Variants in ARHGAP26 observed in about 807,000 individuals in gnomAD.
The protein encoded by ARHGAP26 is Rho GTPase activating protein 26.
A neutral mutation model predicts 104.8 loss-of-function variants in ARHGAP26; 38 were observed. The ratio of observed to expected loss-of-function variants is 0.36; its 90% CI spans 0.28 to 0.48. The LOEUF (loss-of-function observed/expected upper bound fraction) is 0.48. ARHGAP26 is among the 20% of genes least tolerant of loss of function. The pLI, the probability that ARHGAP26 is intolerant of heterozygous loss-of-function variation, is 0.99. For missense variants in ARHGAP26, 704 were observed against 947.9 expected, an observed-to-expected ratio of 0.74 and a Z score of 3.38; for synonymous variants, 341 against 340.0, an observed-to-expected ratio of 1.00 and a Z score of -0.03.
intron 17 of ARHGAP26, among the ~76,000 whole-genome samples, chr5:143,064,827 C>A (rs558827403): frequency 1.3e-5 from 2 of 152,268 alleles, no homozygotes; most frequent in Non-Finnish European, 2.9e-5. Context: ...CCTTAAAAAA[C>A]CCAACAACAT....
At chr5:143,205,088 A>G (rs1808357682) in intron 20 of ARHGAP26, among the ~76,000 whole-genome samples, 2 of 152,102 alleles carry the variant, frequency 1.3e-5, no homozygotes, top group Non-Finnish European at 2.9e-5. Context: ...TGCACAGTAG[A>G]GAGGAGTTGA....
intron 1 of ARHGAP26, among the ~76,000 whole-genome samples, chr5:142,784,204 G>A (rs1423560951): frequency 1.3e-5 from 2 of 152,222 alleles, no homozygotes; most frequent in Non-Finnish European, 2.9e-5. Context: ...TTCCTCTTAC[G>A]TAGCCAGCAT....
intron 1 of ARHGAP26, among the ~76,000 whole-genome samples, chr5:142,833,642 ACCT>A: frequency 6.6e-6 from 1 of 152,124 alleles, no homozygotes; most frequent in African/African-American, 2.4e-5. Flanking sequence ...GGGACATCCT[ACCT>A]ACCGCTGATA....
chr5:142,944,411 T>G (rs1472618266), intron 11 of ARHGAP26, among the ~76,000 whole-genome samples: 1 of 152,214 alleles, frequency 6.6e-6, no homozygotes, highest in Non-Finnish European at 1.5e-5. Context: ...GTGGAATTAC[T>G]AGGTTGAATG....
chr5:142,971,610 C>G (rs968354189), intron 11 of ARHGAP26, among the ~76,000 whole-genome samples: 2 of 152,118 alleles, frequency 1.3e-5, no homozygotes, highest in Non-Finnish European at 2.9e-5. Flanking sequence ...GAAACGGAGG[C>G]TGATGACACC....
At chr5:142,948,135 A>G (rs1357952286) in intron 11 of ARHGAP26, among the ~76,000 whole-genome samples, 2 of 152,158 alleles carry the variant, frequency 1.3e-5, no homozygotes, top group Admixed American at 6.5e-5. Flanking sequence ...TAGACGTGGC[A>G]CTTTCAAGCG....
chr5:142,832,080 C>T (rs1466257119), intron 1 of ARHGAP26, among the ~76,000 whole-genome samples: 2 of 152,120 alleles, frequency 1.3e-5, no homozygotes, highest in Non-Finnish European at 2.9e-5. Flanking sequence ...TTTGGTATAC[C>T]CTGTCAGTGG....
rs1429986312 is a variant in ARHGAP26 at position 143,222,987 on chromosome 5, C to G, written c.*541C>G. 4.7e-5 allele frequency: 11 copies of G among 233,136 alleles called. No individual in the cohort carries two copies. Among genetic ancestry groups the G allele is most frequent in the Non-Finnish European group, 8.5e-5 (10 of 117,842 alleles). 14.4% of individuals were successfully genotyped at this position (233,136 alleles called of 1,614,324 possible). The stretch of plus-strand genomic sequence containing the variant: ...ATGCAGGATGAAGAGGGTTAAAACA[C>G]TGTTTATATAAGATCCAATCTCTCA... On this transcript the variant is annotated 3_prime_UTR_variant, in exon 23 of 23. Coordinates refer to ENST00000645722, the MANE Select transcript of ARHGAP26 (RefSeq NM_001135608.3).
At chr5:143,142,158 A>ATTTT (rs1798621623) in intron 19 of ARHGAP26, among the ~76,000 whole-genome samples, 2 of 43,454 alleles carry the variant, frequency 4.6e-5, no homozygotes, top group Non-Finnish European at 7.2e-5. Context: ...TTTTTTTTTG[A>ATTTT]GACAGTCTTG....
At chr5:142,915,486 G>A (rs1348317905) in intron 10 of ARHGAP26, 2 of 152,266 alleles carry the variant, frequency 1.3e-5, no homozygotes, top group East Asian at 3.9e-4. Context: ...AGCCTACCGA[G>A]TAGCTGGGAC....
chr5:142,850,837 G>A (rs1751372919), intron 1 of ARHGAP26, among the ~76,000 whole-genome samples: 1 of 152,206 alleles, frequency 6.6e-6, no homozygotes, highest in Non-Finnish European at 1.5e-5. Context: ...GATAGCCAAT[G>A]GATCTGAAAG....
At chr5:143,203,399 A>G (rs1318399794) in intron 20 of ARHGAP26, 1 of 152,202 alleles carries the variant, frequency 6.6e-6, no homozygotes, top group African/African-American at 2.4e-5. Flanking sequence ...TTAGAATGGC[A>G]ATCATTAAAA....
intron 1 of ARHGAP26, among the ~76,000 whole-genome samples, chr5:142,791,031 C>T (rs1316507785): frequency 6.6e-6 from 1 of 151,972 alleles, no homozygotes; most frequent in Non-Finnish European, 1.5e-5. Context: ...TGTTGATGGC[C>T]TCAAGCATCA....
At chr5:142,905,718 C>T (rs899310537) in intron 8 of ARHGAP26, among the ~76,000 whole-genome samples, 1 of 152,090 alleles carries the variant, frequency 6.6e-6, no homozygotes, top group Non-Finnish European at 1.5e-5. Context: ...TAGGTTGGTG[C>T]AAGAGTAATT....
chr5:143,138,071 A>C (rs903508351), intron 19 of ARHGAP26, among the ~76,000 whole-genome samples: 1 of 152,068 alleles, frequency 6.6e-6, no homozygotes, highest in African/African-American at 2.4e-5. Flanking sequence ...TGAGTAGACC[A>C]GTTGTGTGCC....
At chr5:142,971,571 T>C (rs1772278917) in intron 11 of ARHGAP26, among the ~76,000 whole-genome samples, 1 of 152,116 alleles carries the variant, frequency 6.6e-6, no homozygotes, top group African/African-American at 2.4e-5. Context: ...GCTAGACTAC[T>C]CTTTTCTGTA....
intron 1 of ARHGAP26, among the ~76,000 whole-genome samples, chr5:142,830,951 T>C (rs537177859): frequency 6.6e-6 from 1 of 152,322 alleles, no homozygotes; most frequent in South Asian, 2.1e-4. Flanking sequence ...AATATGACCT[T>C]GCAGATGAGC....
intron 11 of ARHGAP26, among the ~76,000 whole-genome samples, chr5:142,974,891 T>G (rs245854): frequency 0.011 from 1,644 of 152,328 alleles, 13 homozygotes; most frequent in Admixed American, 0.029. Flanking sequence ...CTAGCCTCCC[T>G]TGTTCCACAT....
intron 11 of ARHGAP26, among the ~76,000 whole-genome samples, chr5:142,989,867 C>A (rs562414431): frequency 6.6e-6 from 1 of 152,286 alleles, no homozygotes; most frequent in African/African-American, 2.4e-5. Flanking sequence ...CCCGACCTTT[C>A]TCTCTGGCTG....
Sources: gnomAD v4.1 joint callset for allele counts (sites outside exome capture counted in the v4.1 genomes callset) on GRCh38, gnomAD v4.1.1 for gene constraint, MANE v1.5 for transcripts, NCBI Gene and HGNC (gene_info 2026-07-23, HGNC 2026-07-21) for gene names.